The following EXOSC10 variants were observed in gnomAD, a reference collection of about 807,000 sequenced individuals.
The protein encoded by EXOSC10 is exosome component 10.
Under a neutral mutation model 126.6 loss-of-function variants are expected in EXOSC10, and 94 were observed. The ratio of observed to expected loss-of-function variants is 0.74; its 90% CI spans 0.63 to 0.88. EXOSC10 has a LOEUF of 0.88. Ranked by LOEUF, EXOSC10 falls within the 40% of genes least tolerant of loss-of-function variation. The pLI is 0.00. For synonymous variants in EXOSC10, 395 were observed against 400.8 expected, an observed-to-expected ratio of 0.99 and a Z score of 0.17; for missense variants, 1,041 against 1,100.5, an observed-to-expected ratio of 0.95 and a Z score of 0.77.
intron 14 of EXOSC10, 64 bp downstream of exon 14, chr1:11,079,647 G>C: frequency 7.3e-7 from 1 of 1,372,292 alleles, no homozygotes; most frequent in Non-Finnish European, 1.0e-6. Context: ...AGCCACCTCA[G>C]CCTCCCAAAG....
At chr1:11,079,360 A>C (rs1197989662) in intron 14 of EXOSC10, among the ~76,000 whole-genome samples, 2 of 150,164 alleles carry the variant, frequency 1.3e-5, no homozygotes, top group Non-Finnish European at 3.0e-5. Flanking sequence ...CAAAAAAAAA[A>C]CAGGCTTGCT....
In EXOSC10 at chr1:11,071,128, G is replaced by A. The variant is rs1459624397; in HGVS notation, c.2243-155C>T. 6 of 636,518 alleles carry A rather than the reference G, an allele frequency of 9.4e-6. No homozygotes were observed. In the East Asian group the frequency reaches 1.7e-4, roughly 18 times the overall value. The allele number at this position is 636,518 out of a possible 1,614,324, so 39.4% of individuals were successfully genotyped here. ...CCGGTCCCCCATCTCTGCAGGACAG[G>A]CTGCCTCAGAGCTCAGGCTCAGGTG... is the stretch of plus-strand genomic sequence containing the variant. On this transcript the variant is annotated intron_variant, in intron 20 of 24. Coordinates refer to ENST00000376936, the MANE Select transcript of EXOSC10 (RefSeq NM_001001998.3).
At position 11,099,808 on chromosome 1, in the gene EXOSC10, C is replaced by T. The variant is rs772299475; in HGVS notation, c.24G>A (p.Glu8=). Residue 8 remains glutamate (E), a synonymous_variant, in exon 1 of 25, where the codon GAG becomes GAA. Transcript: ENST00000376936. MAPPSTR[E]PRVLSATSAT... Reference sequence around the variant, plus strand: ...CGCTGGTCGCCGACAGGACCCTGGGCTCCCGGGTACTGGGTGGCGCCATTT... The same window carrying T: ...CGCTGGTCGCCGACAGGACCCTGGGTTCCCGGGTACTGGGTGGCGCCATTT... The T allele has an allele frequency of 3.1e-6, 5 of 1,611,186 alleles. No homozygotes were observed. Among genetic ancestry groups the T allele is most frequent in the South Asian group, 2.2e-5 (2 of 90,916 alleles).
chr1:11,079,198 G>C (rs1639996531), intron 14 of EXOSC10, among the ~76,000 whole-genome samples: 1 of 151,416 alleles, frequency 6.6e-6, no homozygotes, highest in African/African-American at 2.4e-5. Flanking sequence ...GCGTGGTGGT[G>C]CATGCCTGTA....
chr1:11,071,902 C>G, intron 20 of EXOSC10, 185 bp downstream of exon 20: 1 of 549,420 alleles, frequency 1.8e-6, no homozygotes. Flanking sequence ...GCACTCCCCA[C>G]CAATCTCTCT....
chr1:11,092,891 A>G (rs564666726), intron 3 of EXOSC10, among the ~76,000 whole-genome samples: 2 of 152,320 alleles, frequency 1.3e-5, no homozygotes, highest in South Asian at 4.1e-4. Context: ...TCAACACTGT[A>G]TTATAAAAAT....
rs1477658888 is a variant in EXOSC10 at position 11,091,329 on chromosome 1, GAGA to G, written c.478-153_478-151del. 3.9e-5 allele frequency: 38 copies of G among 963,696 alleles called. 2 individuals are homozygous for G. Among genetic ancestry groups the G allele is most frequent in the South Asian group, 2.6e-4 (16 of 60,584 alleles). 59.7% of individuals were successfully genotyped at this position (963,696 alleles called of 1,614,324 possible). ...ATGTGCATGTAGAGGTCTCCAGAAA[GAGA>G]AGAAGAGGGTGTAATTAGTTTGTGT... On this transcript the variant is annotated intron_variant, in intron 4 of 24. Coordinates refer to ENST00000376936, the MANE Select transcript of EXOSC10 (RefSeq NM_001001998.3).
intron 7 of EXOSC10, 42 bp downstream of exon 7, chr1:11,088,080 TG>T: frequency 6.7e-7 from 1 of 1,486,256 alleles, no homozygotes; most frequent in Non-Finnish European, 9.3e-7. Flanking sequence ...TGATTCCTCT[TG>T]GGCTACTACA....
chr1:11,097,273 G>T lies in EXOSC10; in HGVS notation c.248+747C>A, dbSNP rs1382691697. On this transcript the variant is annotated intron_variant, in intron 2 of 24. Transcript: ENST00000376936. ...TACACCTATAATCCCAGCTACTCGG[G>T]AGGCTGAGGCAGGAGAATCGCTTGA... Among the ~76,000 whole-genome samples, 10 of 152,150 alleles carry T rather than the reference G, an allele frequency of 6.6e-5. No homozygotes were observed. The East Asian group carries it at 1.7e-3, about 27-fold the overall frequency.
At chr1:11,069,000 G>C (rs1398128146) in intron 22 of EXOSC10, 6 of 441,456 alleles carry the variant, frequency 1.4e-5, no homozygotes, top group Non-Finnish European at 2.4e-5. Context: ...TGATCTCTGT[G>C]CTGGGTGATG....
At chr1:11,078,401 G>A (rs1364097538) in intron 14 of EXOSC10, among the ~76,000 whole-genome samples, 1 of 151,476 alleles carries the variant, frequency 6.6e-6, no homozygotes, top group Non-Finnish European at 1.5e-5. Flanking sequence ...GGGACTACAG[G>A]CGCCCGCCAC....
intron 14 of EXOSC10, among the ~76,000 whole-genome samples, chr1:11,078,124 AC>A (rs1411355010): frequency 1.3e-5 from 2 of 152,118 alleles, no homozygotes; most frequent in African/African-American, 4.8e-5. Context: ...ATTAAAAAAA[AC>A]ATAGCTGGGT....
In EXOSC10 at chr1:11,099,858, CGA is replaced by C; in HGVS notation, c.-29_-28del. On this transcript the variant is annotated 5_prime_UTR_variant, in exon 1 of 25. Transcript: ENST00000376936. ...TTTTCAGCCTGCACGGCTCGTCTCG[CGA>C]GAGCTTGTCGGCCGAGGAGACGGGA... is the stretch of plus-strand genomic sequence containing the variant. 1 of 1,575,474 alleles carries C rather than the reference CGA, an allele frequency of 6.3e-7. No individual in the cohort carries two copies. Among genetic ancestry groups the C allele is most frequent in the Non-Finnish European group, 8.6e-7 (1 of 1,160,260 alleles).
In EXOSC10 at chr1:11,082,853, A is replaced by G; in HGVS notation, c.1115T>C (p.Ile372Thr). The G allele has an allele frequency of 1.9e-6, 3 of 1,614,200 alleles. No homozygotes were observed. Among genetic ancestry groups the G allele is most frequent in the Non-Finnish European group, 2.5e-6 (3 of 1,180,034 alleles). ...CCCAAAGTCTTTCTGTAGCCATTCT[A>G]TGTCTGAATCAGCACCATGAAAGAC... ...VKVFHGADSDIEWLQKDFGLY... is the reference protein window; with the variant it reads ...VKVFHGADSDTEWLQKDFGLY... The change falls in exon 10 of 25, where the codon ATA becomes ACA. Residue 372 changes from isoleucine (I) to threonine (T), a missense_variant. Ile to Thr is a moderately conservative substitution (Grantham distance 89). Coordinates refer to ENST00000376936, the MANE Select transcript of EXOSC10 (RefSeq NM_001001998.3).
chr1:11,074,316 G>A lies in EXOSC10; in HGVS notation c.1997C>T (p.Ala666Val). 1.2e-6 allele frequency: 2 copies of A among 1,613,590 alleles called. No homozygotes were observed. Among genetic ancestry groups the A allele is most frequent in the Non-Finnish European group, 1.7e-6 (2 of 1,179,562 alleles). Residue 666 changes from alanine (A) to valine (V), a missense_variant, in exon 18 of 25, where the codon GCT becomes GTT. By Grantham distance (64) the Ala-to-Val change is moderately conservative. This residue lies in a region of EXOSC10 where 388 missense variants were observed against 415.2 expected (regional missense o/e 0.93). Transcript: ENST00000376936. ...CAATGGACCCTTTTTACTGTCTTCA[G>A]CACTAGGTTCCTGCAGGGACAGACA... Reference protein sequence around the residue: ...AVITLFNEPSAEDSKKGPLTV... With the variant: ...AVITLFNEPSVEDSKKGPLTV...
chr1:11,091,686 T>C, intron 3 of EXOSC10, 89 bp from the exon 4 acceptor site: 1 of 961,326 alleles, frequency 1.0e-6, no homozygotes, highest in Non-Finnish European at 1.6e-6. Flanking sequence ...TAACATGGAG[T>C]ATCACTCTGT....
intron 6 of EXOSC10, among the ~76,000 whole-genome samples, chr1:11,089,704 T>C (rs1640698243): frequency 6.6e-6 from 1 of 151,270 alleles, no homozygotes; most frequent in Admixed American, 6.6e-5. Flanking sequence ...ATGCCTGTAA[T>C]CCCAACCCCC....
At chr1:11,091,424 G>A (rs1640798448) in intron 4 of EXOSC10, 69 bp downstream of exon 4, 15 of 1,367,388 alleles carry the variant, frequency 1.1e-5, no homozygotes, top group African/African-American at 1.4e-5. Flanking sequence ...AGAAATGCAT[G>A]TTAGAATGAG....
At chr1:11,068,397 C>T (rs1639240454) in intron 23 of EXOSC10, 1 of 592,924 alleles carries the variant, frequency 1.7e-6, no homozygotes, top group Non-Finnish European at 3.0e-6. Flanking sequence ...TGCTTTTGGC[C>T]TGCAGCTATA....
Sources: allele counts gnomAD v4.1 joint callset (sites outside exome capture counted in the v4.1 genomes callset), GRCh38; gene constraint gnomAD v4.1.1; regional missense constraint gnomAD v4.1.1; transcripts MANE v1.5; gene names NCBI Gene and HGNC (gene_info 2026-07-23, HGNC 2026-07-21).